SLC20A2: variants seen among roughly 807,000 people sequenced by gnomAD.
The protein encoded by SLC20A2 is sodium-dependent phosphate transporter 2.
SLC20A2 carries 30 observed loss-of-function variants against 61.0 expected under a neutral mutation model. The ratio of observed to expected loss-of-function variants is 0.49; its 90% CI spans 0.37 to 0.67. SLC20A2 has a LOEUF of 0.67. SLC20A2 is among the 30% of genes least tolerant of loss of function. SLC20A2 has a pLI of 0.00. For missense variants in SLC20A2, 626 were observed against 866.4 expected (o/e 0.72, Z 3.48); for synonymous variants, 351 against 353.3 (o/e 0.99, Z 0.07).
chr8:42,427,194 T>C (rs1223448807), intron 10 of SLC20A2, among the ~76,000 whole-genome samples: 1 of 152,106 alleles, frequency 6.6e-6, no homozygotes, highest in Admixed American at 6.5e-5. Flanking sequence ...GGCTGTGTAA[T>C]CTCGGGCACG....
At chr8:42,540,446 A>AT (rs1482518504) in intron 1 of SLC20A2, among the ~76,000 whole-genome samples, 1 of 152,190 alleles carries the variant, frequency 6.6e-6, no homozygotes, top group Non-Finnish European at 1.5e-5. Flanking sequence ...ATCACCTGTT[A>AT]TTTTCCTGAT....
At chr8:42,429,940 T>G in intron 9 of SLC20A2, 124 bp downstream of exon 9, 1 of 745,774 alleles carries the variant, frequency 1.3e-6, no homozygotes, top group Non-Finnish European at 2.1e-6. Context: ...GCCCACTGTC[T>G]CCTCCTCCCT....
chr8:42,419,407 T>C (rs1269640640), intron 10 of SLC20A2, among the ~76,000 whole-genome samples: 1 of 151,860 alleles, frequency 6.6e-6, no homozygotes, highest in Non-Finnish European at 1.5e-5. Flanking sequence ...CTGTCTCTAC[T>C]AAAAATAAAA....
chr8:42,482,006 T>C (rs1486606009), intron 1 of SLC20A2, among the ~76,000 whole-genome samples: 3 of 152,096 alleles, frequency 2.0e-5, no homozygotes, highest in Non-Finnish European at 4.4e-5. Context: ...AAATCTACAA[T>C]AAATAAATCT....
intron 5 of SLC20A2, among the ~76,000 whole-genome samples, 160 bp from the exon 6 acceptor site, chr8:42,444,922 G>A (rs1805089920): frequency 6.6e-6 from 1 of 152,256 alleles, no homozygotes; most frequent in South Asian, 2.1e-4. Flanking sequence ...TTTTGGAGTA[G>A]AAAGCTGTAT....
chr8:42,464,092 C>CTTTGTTTTTTTTTTTTT (rs1806933720), intron 3 of SLC20A2, among the ~76,000 whole-genome samples: 1 of 20,540 alleles, frequency 4.9e-5, no homozygotes, highest in Non-Finnish European at 1.0e-4. Flanking sequence ...GCTGGATGAT[C>CTTTGTTTTTTTTTTTTT]TTTTTTTTTT....
intron 1 of SLC20A2, among the ~76,000 whole-genome samples, chr8:42,486,170 A>G (rs1000488598): frequency 2.8e-4 from 38 of 135,532 alleles, no homozygotes; most frequent in South Asian, 7.0e-4. Flanking sequence ...GTGTGTGTGT[A>G]TGTGTGGACT....
Position 42,472,508 on chromosome 8 carries a change from A to G in SLC20A2, c.-118T>C. ...TGTAAACAGTGAGTTTGCTCTGGAA[A>G]GTGCTGGACAATGTTAGAGGCTGGA... On this transcript the variant is annotated 5_prime_UTR_variant, in exon 2 of 11. Coordinates refer to ENST00000520262, the MANE Select transcript of SLC20A2 (RefSeq NM_001257180.2). The surrounding 1 kb of genome is among the most constrained non-coding windows in gnomAD (Gnocchi z 4.1). 3 of 920,630 alleles carry G rather than the reference A, an allele frequency of 3.3e-6. No individual in the cohort carries two copies. Among genetic ancestry groups the G allele is most frequent in the Non-Finnish European group, 4.8e-6 (3 of 618,934 alleles). The allele number at this position is 920,630 out of a possible 1,614,324, so 57.0% of individuals were successfully genotyped here. A position where few individuals can be genotyped will look rare whatever the true frequency, so the allele number is the denominator to read the frequency against.
intron 1 of SLC20A2, among the ~76,000 whole-genome samples, chr8:42,529,847 C>T (rs924344998): frequency 2.0e-5 from 3 of 152,074 alleles, no homozygotes; most frequent in Admixed American, 6.6e-5. Flanking sequence ...CTCTCTGAAT[C>T]GATACAAAAT....
chr8:42,482,491 G>A (rs59720217), intron 1 of SLC20A2, among the ~76,000 whole-genome samples: 4,375 of 152,236 alleles, frequency 0.029, 199 homozygotes, highest in African/African-American at 0.095. Flanking sequence ...GCTGGGCGAG[G>A]TGGTTCATCC....
At chr8:42,540,646 G>A (rs1813046767) in intron 1 of SLC20A2, among the ~76,000 whole-genome samples, 1 of 152,326 alleles carries the variant, frequency 6.6e-6, no homozygotes, top group Non-Finnish European at 1.5e-5. Context: ...TTGTTAAGAA[G>A]TGTTCAATGT....
At chr8:42,430,700 AC>A (rs1803796248) in intron 8 of SLC20A2, among the ~76,000 whole-genome samples, 1 of 151,784 alleles carries the variant, frequency 6.6e-6, no homozygotes, top group Non-Finnish European at 1.5e-5. Context: ...GGTTTGTGGC[AC>A]CCCCACACCA....
At chr8:42,467,242 T>C (rs2978457) in intron 2 of SLC20A2, among the ~76,000 whole-genome samples, 90,972 of 151,842 alleles carry the variant, frequency 0.6, 29,246 homozygotes, top group African/African-American at 0.84. Context: ...TCTGATTCCT[T>C]GTTGTTAAGA....
chr8:42,461,453 T>C (rs1368063890), intron 4 of SLC20A2, among the ~76,000 whole-genome samples: 1 of 148,800 alleles, frequency 6.7e-6, no homozygotes, highest in Admixed American at 6.6e-5. Context: ...TTTTCAAATA[T>C]CTTTTTTTTT....
At chr8:42,430,883 G>T (rs1258253637) in intron 8 of SLC20A2, among the ~76,000 whole-genome samples, 1 of 152,164 alleles carries the variant, frequency 6.6e-6, no homozygotes, top group Non-Finnish European at 1.5e-5. Context: ...GGGGTGCCAT[G>T]AACTGTTCCC....
At chr8:42,424,203 C>A (rs996752066) in intron 10 of SLC20A2, among the ~76,000 whole-genome samples, 20 of 152,102 alleles carry the variant, frequency 1.3e-4, no homozygotes, top group Non-Finnish European at 2.6e-4. Context: ...GGGCTAAAGA[C>A]CAAACGTGAT....
chr8:42,445,503 A>T (rs1409932810), intron 5 of SLC20A2, among the ~76,000 whole-genome samples: 1 of 151,936 alleles, frequency 6.6e-6, no homozygotes, highest in Non-Finnish European at 1.5e-5. Flanking sequence ...AGGTGGGAGG[A>T]TCACCTGAGG....
intron 1 of SLC20A2, among the ~76,000 whole-genome samples, chr8:42,512,410 G>C (rs546943661): frequency 8.6e-5 from 13 of 151,338 alleles, no homozygotes; most frequent in Non-Finnish European, 5.9e-5. Flanking sequence ...GAGTGCAGTG[G>C]CGTGATCTCA....
chr8:42,452,165 A>G (rs1336586068), intron 5 of SLC20A2, among the ~76,000 whole-genome samples: 1 of 134,010 alleles, frequency 7.5e-6, no homozygotes. Context: ...GAAGAGATGG[A>G]GGAGGAGGAG....
Sources: gnomAD v4.1 joint callset for allele counts (sites outside exome capture counted in the v4.1 genomes callset) on GRCh38, gnomAD v4.1.1 for gene constraint, Gnocchi (gnomAD v3.1) non-coding constraint, MANE v1.5 for transcripts, NCBI Gene and HGNC (gene_info 2026-07-23, HGNC 2026-07-21) for gene names.